PCDHGA9: variants seen among roughly 807,000 people sequenced by gnomAD.
PCDHGA9 encodes protocadherin gamma subfamily A, 9.
Under a neutral mutation model 62.5 loss-of-function variants are expected in PCDHGA9, and 37 were observed. The ratio of observed to expected loss-of-function variants is 0.59; its 90% confidence interval spans 0.46 to 0.78. PCDHGA9 has a LOEUF of 0.78. PCDHGA9 is among the 30% of genes least tolerant of loss of function. PCDHGA9 has a pLI of 0.00. For synonymous variants in PCDHGA9, 459 were observed against 484.6 expected (o/e 0.95, Z 0.69); for missense variants, 1,138 against 1,166.2 (o/e 0.98, Z 0.35).
chr5:141,450,675 CG>C (rs2098689980), intron 1 of PCDHGA9, among the ~76,000 whole-genome samples: 1 of 151,614 alleles, frequency 6.6e-6, no homozygotes, highest in Non-Finnish European at 1.5e-5. Flanking sequence ...TTAGTAGAAA[CG>C]GGGTTTTGCC....
At chr5:141,509,872 G>A (rs968745661) in intron 3 of PCDHGA9, among the ~76,000 whole-genome samples, 1 of 152,166 alleles carries the variant, frequency 6.6e-6, no homozygotes, top group Non-Finnish European at 1.5e-5. Context: ...CCAAGCTGCT[G>A]GTGGTGATGG....
rs113341686 is a variant in PCDHGA9, at chr5:141,488,763, G to A, written c.2425-6044G>A. Among the ~76,000 whole-genome samples the A allele has an allele frequency of 6.6e-4, 101 of 152,264 alleles. 1 individual carries two copies. The highest frequency in any genetic ancestry group is 1.7e-3 in the African/African-American group (69 of 41,544). ...ATGCAGGAAGTTGCTGGGACAGAACGCTGAGGAGTTTTGTATCACTTTGTC... is the reference window on the plus strand; with the variant it reads ...ATGCAGGAAGTTGCTGGGACAGAACACTGAGGAGTTTTGTATCACTTTGTC... On this transcript the variant is annotated intron_variant, in intron 1 of 3. Coordinates refer to ENST00000573521, the MANE Select transcript of PCDHGA9 (RefSeq NM_018921.3).
chr5:141,461,303 G>T (rs1390421489), intron 1 of PCDHGA9, among the ~76,000 whole-genome samples: 2 of 152,074 alleles, frequency 1.3e-5, no homozygotes, highest in Non-Finnish European at 2.9e-5. Flanking sequence ...AACATCTATT[G>T]TTTTTTGACT....
intron 3 of PCDHGA9, among the ~76,000 whole-genome samples, chr5:141,505,729 G>A (rs1026403192): frequency 7.9e-5 from 12 of 152,286 alleles, no homozygotes; most frequent in African/African-American, 2.9e-4. Flanking sequence ...AGGGAATAGT[G>A]GTTACAAGTC....
At position 141,477,862 on chromosome 5, in the gene PCDHGA9, A is replaced by AGGT. The variant is rs753168325; in HGVS notation, c.2425-16944_2425-16942dup. 2.1e-5 allele frequency: 34 copies of AGGT among 1,613,138 alleles called. No individual in the cohort carries two copies. Among genetic ancestry groups the AGGT allele is most frequent in the Non-Finnish European group, 2.5e-5 (29 of 1,179,720 alleles). ...GGAGCTCGGTGGAGATGCTGCCTCG[A>AGGT]GGTACCTCAGCTGGCCACCTAGTGT... is the stretch of plus-strand genomic sequence containing the variant. On this transcript the variant is annotated intron_variant, in intron 1 of 3. Transcript: ENST00000573521. The surrounding 1 kb of genome is among the most constrained non-coding windows in gnomAD (Gnocchi z 4.9).
intron 1 of PCDHGA9, among the ~76,000 whole-genome samples, chr5:141,458,275 G>A (rs975142859): frequency 2.6e-5 from 4 of 152,142 alleles, no homozygotes; most frequent in Non-Finnish European, 5.9e-5. Flanking sequence ...GAACAACAGG[G>A]TTCCTGGTCC....
chr5:141,416,098 G>A (rs745507614), intron 1 of PCDHGA9: 19 of 160,674 alleles, frequency 1.2e-4, no homozygotes, highest in Non-Finnish European at 8.1e-5. Flanking sequence ...AAGGGCAATA[G>A]GCCTTTTTCA....
intron 1 of PCDHGA9, among the ~76,000 whole-genome samples, chr5:141,444,482 T>G (rs1346576719): frequency 6.6e-6 from 1 of 152,000 alleles, no homozygotes; most frequent in Non-Finnish European, 1.5e-5. Context: ...CGTACTGGAT[T>G]TATATTGTGT....
intron 1 of PCDHGA9, among the ~76,000 whole-genome samples, chr5:141,450,313 T>G (rs2098676929): frequency 6.6e-6 from 1 of 152,172 alleles, no homozygotes; most frequent in Middle Eastern, 3.4e-3. Context: ...ATGTGTGGCC[T>G]AGTTGCCATG....
At chr5:141,409,936 A>G in intron 1 of PCDHGA9, 2 of 1,613,064 alleles carry the variant, frequency 1.2e-6, no homozygotes, top group Non-Finnish European at 1.7e-6. Context: ...TCGATATGGT[A>G]CCTCGCTCTG....
In PCDHGA9 at chr5:141,431,253, ACT is replaced by A. The variant is rs757246289; in HGVS notation, c.2424+25882_2424+25883del. On this transcript the variant is annotated intron_variant, in intron 1 of 3. Coordinates refer to ENST00000573521, the MANE Select transcript of PCDHGA9 (RefSeq NM_018921.3). This position sits in a 1 kb window ranked among gnomAD's most constrained non-coding sequence, Gnocchi z 4.8. ...GCCTGGGATCCGGATATCGGGAAGA[ACT>A]CTCTGCAGAGCTACGAGCTCAGCCC... 2.2e-5 allele frequency: 35 copies of A among 1,614,014 alleles called. No individual in the cohort carries two copies. In the South Asian group the frequency reaches 3.1e-4, roughly 14 times the overall value.
chr5:141,428,320 T>C (rs2097132935), intron 1 of PCDHGA9: 2 of 650,176 alleles, frequency 3.1e-6, no homozygotes, highest in Admixed American at 2.2e-5. Context: ...GGCCTTGGCC[T>C]TGATTTCTAT....
At position 141,431,569 on chromosome 5, in the gene PCDHGA9, CGAA is replaced by C. The variant is rs780392922; in HGVS notation, c.2424+26195_2424+26197del. The C allele has an allele frequency of 1.9e-6, 3 of 1,614,000 alleles. No homozygotes were observed. The highest frequency in any genetic ancestry group is 2.7e-5 in the African/African-American group (2 of 74,932). ...TTGTAGTCAACGCTACCGACCCTGA[CGAA>C]GGAGTCAATGCGGAAGTGAGGTATT... On this transcript the variant is annotated intron_variant, in intron 1 of 3. Transcript: ENST00000573521. This position sits in a 1 kb window ranked among gnomAD's most constrained non-coding sequence, Gnocchi z 4.8.
At chr5:141,498,958 A>T (rs1200201746) in intron 2 of PCDHGA9, among the ~76,000 whole-genome samples, 2 of 123,248 alleles carry the variant, frequency 1.6e-5, no homozygotes, top group Admixed American at 1.8e-4. Flanking sequence ...AAAGAGAGAG[A>T]GGGAGGGAGG....
rs1342481070 is a variant in PCDHGA9 at position 141,485,056 on chromosome 5, C to T, written c.2425-9751C>T. 8 of 840,338 alleles carry T rather than the reference C, an allele frequency of 9.5e-6. No homozygotes were observed. The Admixed American group carries it at 1.9e-4, about 20-fold the overall frequency. 52.1% of individuals were successfully genotyped at this position (840,338 alleles called of 1,614,324 possible). A position where few individuals can be genotyped will look rare whatever the true frequency, so the allele number is the denominator to read the frequency against. The stretch of plus-strand genomic sequence containing the variant: ...CGTAACCCTTGCGGCGCCGGCCGAA[C>T]CGCGCCAGAGCTGGCGCGGGGAAAG... On this transcript the variant is annotated intron_variant, in intron 1 of 3. Transcript: ENST00000573521. The surrounding 1 kb of genome is among the most constrained non-coding windows in gnomAD (Gnocchi z 5.7).
At position 141,505,499 on chromosome 5, in the gene PCDHGA9, G is replaced by A. The variant is rs753203943; in HGVS notation, c.2572+18G>A. ...CGCCAGTGGTAAGTGGTGTCAGTGT[G>A]TGTATGGAAGAGTGGGAGACCTGGG... is the stretch of plus-strand genomic sequence containing the variant. On this transcript the variant is annotated intron_variant, in intron 3 of 3. Transcript: ENST00000573521. 6.2e-7 allele frequency: 1 copy of A among 1,614,172 alleles called. No homozygotes were observed. The highest frequency in any genetic ancestry group is 8.5e-7 in the Non-Finnish European group (1 of 1,179,982).
At chr5:141,409,702 G>C (rs545411022) in intron 1 of PCDHGA9, 2 of 1,613,108 alleles carry the variant, frequency 1.2e-6, no homozygotes, top group African/African-American at 2.7e-5. Context: ...AGCCCCTGGC[G>C]GTGTCGTCAT....
rs1311776295 is a variant in PCDHGA9, at chr5:141,487,582, C to G, written c.2425-7225C>G. 1.2e-6 allele frequency: 2 copies of G among 1,614,088 alleles called. No homozygotes were observed. The highest frequency in any genetic ancestry group is 2.7e-5 in the African/African-American group (2 of 74,934). ...TGGCAGGGGAGCCTGTTCGCCCAAG[C>G]TGCCCACCCTCTGATCTTCTCTATG... is the stretch of plus-strand genomic sequence containing the variant. On this transcript the variant is annotated intron_variant, in intron 1 of 3. Transcript: ENST00000573521. The surrounding 1 kb of genome is among the most constrained non-coding windows in gnomAD (Gnocchi z 5.0).
At chr5:141,505,559 G>A (rs1215110084) in intron 3 of PCDHGA9, 78 bp downstream of exon 3, 27 of 1,604,592 alleles carry the variant, frequency 1.7e-5, no homozygotes, top group Non-Finnish European at 2.0e-5. Flanking sequence ...CCATGCCCAC[G>A]GACTGGATGT....
Sources: allele counts gnomAD v4.1 joint callset (sites outside exome capture counted in the v4.1 genomes callset), GRCh38; gene constraint gnomAD v4.1.1; non-coding constraint Gnocchi (gnomAD v3.1); transcripts MANE v1.5; gene names NCBI Gene and HGNC (gene_info 2026-07-23, HGNC 2026-07-21).